Variants in ZDHHC20 observed in about 807,000 individuals in gnomAD.
ZDHHC20 encodes the protein zDHHC palmitoyltransferase 20, also known as palmitoyltransferase ZDHHC20.
Under a neutral mutation model 57.8 loss-of-function variants are expected in ZDHHC20, and 43 were observed. That is an observed-to-expected ratio of 0.74 (90% confidence interval 0.58 to 0.96). The LOEUF is 0.96. Ranked by LOEUF, ZDHHC20 falls within the 40% of genes least tolerant of loss-of-function variation. The probability of loss-of-function intolerance (pLI) is 0.00; values close to 1 mark genes in which losing one functional copy is unlikely to be tolerated. For synonymous variants in ZDHHC20, 157 were observed against 153.0 expected (o/e 1.03, Z -0.19); for missense variants, 391 against 441.1 (o/e 0.89, Z 1.02).
intron 4 of ZDHHC20, among the ~76,000 whole-genome samples, chr13:21,409,215 T>C (rs1029906611): frequency 5.9e-5 from 9 of 152,230 alleles, no homozygotes; most frequent in East Asian, 1.9e-4. Context: ...CTGGTAGAAT[T>C]TGGCTGTGAA....
intron 9 of ZDHHC20, 70 bp from the exon 10 acceptor site, chr13:21,383,079 A>AT (rs1873722799): frequency 7.4e-7 from 1 of 1,343,398 alleles, no homozygotes; most frequent in African/African-American, 1.4e-5. Flanking sequence ...TTTAACACTC[A>AT]TTTTTCAGAG....
At position 21,381,572 on chromosome 13, in the gene ZDHHC20, T is replaced by C. The variant is rs751166023; in HGVS notation, c.945-23A>G. ...CTACTGAAAAGAAGAGCAAACAACT[T>C]AGTAAACAGCTTAATGCTCAACTAT... On this transcript the variant is annotated intron_variant, in intron 10 of 12. Coordinates refer to ENST00000400590, the MANE Select transcript of ZDHHC20 (RefSeq NM_001330059.2). 4.8e-5 allele frequency: 73 copies of C among 1,508,034 alleles called. No homozygotes were observed. In the East Asian group the frequency reaches 1.1e-3, roughly 24 times the overall value. The allele number at this position is 1,508,034 out of a possible 1,614,324, so 93.4% of individuals were successfully genotyped here.
chr13:21,400,999 C>T (rs888646893), intron 6 of ZDHHC20, among the ~76,000 whole-genome samples: 1 of 151,834 alleles, frequency 6.6e-6, no homozygotes, highest in Non-Finnish European at 1.5e-5. Flanking sequence ...TAAATTGGGC[C>T]GAGTGCAGTG....
intron 1 of ZDHHC20, among the ~76,000 whole-genome samples, chr13:21,433,000 A>C (rs1164305693): frequency 6.6e-6 from 1 of 152,234 alleles, no homozygotes; most frequent in African/African-American, 2.4e-5. Flanking sequence ...TCTTACTCAG[A>C]TACTACAGTC....
chr13:21,381,001 T>A (rs1168261917), intron 11 of ZDHHC20, among the ~76,000 whole-genome samples: 1 of 151,366 alleles, frequency 6.6e-6, no homozygotes, highest in Non-Finnish European at 1.5e-5. Context: ...TTTATTTATT[T>A]ATTTTTTATT....
intron 12 of ZDHHC20, among the ~76,000 whole-genome samples, chr13:21,378,081 A>G (rs1035455568): frequency 5.3e-5 from 8 of 151,902 alleles, no homozygotes; most frequent in Non-Finnish European, 1.5e-5. Context: ...TTGCTCTGTT[A>G]CCCAGGCTGG....
intron 12 of ZDHHC20, chr13:21,376,928 C>T (rs1046784182): frequency 3.9e-5 from 9 of 232,474 alleles, no homozygotes; most frequent in Non-Finnish European, 6.6e-5. Context: ...TCTGAGAAGA[C>T]ATCTGGTCCA....
chr13:21,376,033 T>C lies in ZDHHC20; in HGVS notation c.*663A>G, dbSNP rs931938532. 6.6e-6 allele frequency: 1 copy of C among 152,226 alleles called. No individual in the cohort carries two copies. The highest frequency in any genetic ancestry group is 1.5e-5 in the Non-Finnish European group (1 of 68,034). The allele number at this position is 152,226 out of a possible 1,614,324, so 9.4% of individuals were successfully genotyped here. On this transcript the variant is annotated 3_prime_UTR_variant, in exon 13 of 13. Coordinates refer to ENST00000400590, the MANE Select transcript of ZDHHC20 (RefSeq NM_001330059.2). ...TTGCTCTACTACATGGTTGTATTAA[T>C]GCTCATAACTAAGCTTTCGATGAAT...
chr13:21,389,830 C>A (rs570156772), intron 8 of ZDHHC20, among the ~76,000 whole-genome samples: 1 of 152,172 alleles, frequency 6.6e-6, no homozygotes, highest in Non-Finnish European at 1.5e-5. Context: ...AAGAAGAAAT[C>A]TGGTTTTCTT....
At chr13:21,423,138 G>C (rs527875563) in intron 2 of ZDHHC20, among the ~76,000 whole-genome samples, 1 of 152,260 alleles carries the variant, frequency 6.6e-6, no homozygotes, top group East Asian at 1.9e-4. Context: ...CTATGTCCTA[G>C]CTAAAATTAT....
At chr13:21,414,637 G>C (rs974453665) in intron 3 of ZDHHC20, among the ~76,000 whole-genome samples, 25 of 150,982 alleles carry the variant, frequency 1.7e-4, no homozygotes, top group African/African-American at 3.6e-4. Context: ...TCCCAAAGTG[G>C]TGGGATTACA....
rs1288147811 is a variant in ZDHHC20 at position 21,445,108 on chromosome 13, T to TTA, written c.118+13944_118+13945dup. 7.6e-3 allele frequency among the ~76,000 whole-genome samples: 1,143 copies of TTA among 151,314 alleles called. 16 individuals are homozygous for TTA. The highest frequency in any genetic ancestry group is 0.026 in the African/African-American group (1,053 of 41,294). ...TGTTTTACATGTATGTTTTATATATTTATATATATATATGGGAGAGGTTTT... is the reference window on the plus strand; with the variant it reads ...TGTTTTACATGTATGTTTTATATATTTATATATATATATATGGGAGAGGTTTT... On this transcript the variant is annotated intron_variant, in intron 1 of 12. Coordinates refer to ENST00000400590, the MANE Select transcript of ZDHHC20 (RefSeq NM_001330059.2).
At chr13:21,456,379 C>G (rs983519501) in intron 1 of ZDHHC20, among the ~76,000 whole-genome samples, 2 of 152,156 alleles carry the variant, frequency 1.3e-5, no homozygotes, top group South Asian at 4.1e-4. Context: ...CATTGCACTC[C>G]AGCCTGGGCA....
intron 9 of ZDHHC20, among the ~76,000 whole-genome samples, chr13:21,383,324 C>G (rs185419131): frequency 6.6e-6 from 1 of 152,236 alleles, no homozygotes; most frequent in South Asian, 2.1e-4. Flanking sequence ...CAAGATCTGA[C>G]GGTTTTATAA....
At chr13:21,453,425 C>A (rs1305907243) in intron 1 of ZDHHC20, among the ~76,000 whole-genome samples, 1 of 152,172 alleles carries the variant, frequency 6.6e-6, no homozygotes, top group Non-Finnish European at 1.5e-5. Flanking sequence ...ACTTGAATAA[C>A]ACTACCAACT....
intron 9 of ZDHHC20, among the ~76,000 whole-genome samples, chr13:21,386,901 TAA>T: frequency 6.6e-6 from 1 of 152,234 alleles, no homozygotes; most frequent in Non-Finnish European, 1.5e-5. Flanking sequence ...TGAAAGCAAA[TAA>T]GTCATTTTCA....
At chr13:21,383,406 C>G (rs1873798068) in intron 9 of ZDHHC20, among the ~76,000 whole-genome samples, 1 of 152,198 alleles carries the variant, frequency 6.6e-6, no homozygotes, top group Admixed American at 6.5e-5. Flanking sequence ...TCCTTGCCTT[C>G]CACTATGATA....
At chr13:21,405,929 C>T (rs562048105) in intron 4 of ZDHHC20, among the ~76,000 whole-genome samples, 82 of 152,266 alleles carry the variant, frequency 5.4e-4, no homozygotes, top group Non-Finnish European at 4.4e-4. Flanking sequence ...TCAGAACATA[C>T]AAATGCAAAA....
At chr13:21,418,933 C>T (rs1465243998) in intron 3 of ZDHHC20, among the ~76,000 whole-genome samples, 1 of 152,166 alleles carries the variant, frequency 6.6e-6, no homozygotes, top group African/African-American at 2.4e-5. Flanking sequence ...CTGCCTTGGC[C>T]TTCCGAAGTG....
Sources: allele counts gnomAD v4.1 joint callset (sites outside exome capture counted in the v4.1 genomes callset), GRCh38; gene constraint gnomAD v4.1.1; transcripts MANE v1.5; gene names NCBI Gene and HGNC (gene_info 2026-07-23, HGNC 2026-07-21).